Variants in ARHGEF12 observed in about 807,000 individuals in gnomAD.
ARHGEF12 encodes the protein KMT2A/ARHGEF12 fusion protein.
A neutral mutation model predicts 211.2 loss-of-function variants in ARHGEF12; 66 were observed. The observed-to-expected ratio is 0.31, with a 90% CI of 0.26 to 0.38. The LOEUF (loss-of-function observed/expected upper bound fraction) is 0.38, where lower values mean the gene tolerates loss of function less well. Ranked by LOEUF, ARHGEF12 falls within the 10% of genes least tolerant of loss-of-function variation. The probability of loss-of-function intolerance (pLI) is 1.00; values close to 1 mark genes in which losing one functional copy is unlikely to be tolerated. For synonymous variants in ARHGEF12, 592 were observed against 638.4 expected (o/e 0.93, Z 1.09); for missense variants, 1,429 against 1,869.5 (o/e 0.76, Z 4.34).
chr11:120,411,163 G>A (rs1461310393), intron 4 of ARHGEF12: 2 of 152,188 alleles, frequency 1.3e-5, no homozygotes, highest in Non-Finnish European at 2.9e-5. Flanking sequence ...GGGAAGTAAG[G>A]TGTGGCTTCT....
At position 120,481,587 on chromosome 11, in the gene ARHGEF12, C is replaced by T; in HGVS notation, c.4554+11C>T. 1 of 1,610,576 alleles carries T rather than the reference C, an allele frequency of 6.2e-7. No homozygotes were observed. The highest frequency in any genetic ancestry group is 1.1e-5 in the South Asian group (1 of 90,990). The stretch of plus-strand genomic sequence containing the variant: ...CTTGAACACTTAAAGGTACCTCATA[C>T]TTCCACATCCATAGGACTTGGTTGT... On this transcript the variant is annotated intron_variant, in intron 39 of 40. Transcript: ENST00000397843.
At chr11:120,460,477 CCT>C (rs1164877456) in intron 26 of ARHGEF12, among the ~76,000 whole-genome samples, 193 bp from the exon 27 acceptor site, 1 of 152,014 alleles carries the variant, frequency 6.6e-6, no homozygotes, top group African/African-American at 2.4e-5. Context: ...TTGTTTAGCA[CCT>C]GTTTTTCAGA....
intron 35 of ARHGEF12, 57 bp from the exon 36 acceptor site, chr11:120,477,387 CGAT>C: frequency 3.2e-6 from 5 of 1,578,310 alleles, no homozygotes; most frequent in Non-Finnish European, 4.3e-6. Flanking sequence ...TGTTTTGTTG[CGAT>C]GATGTTTAGA....
At chr11:120,362,512 A>G (rs532092554) in intron 1 of ARHGEF12, among the ~76,000 whole-genome samples, 3 of 152,308 alleles carry the variant, frequency 2.0e-5, no homozygotes, top group African/African-American at 7.2e-5. Flanking sequence ...ATTTAGTTAA[A>G]TATTATGAAA....
chr11:120,433,806 A>G (rs1945616503), intron 11 of ARHGEF12, among the ~76,000 whole-genome samples: 1 of 152,214 alleles, frequency 6.6e-6, no homozygotes, highest in Non-Finnish European at 1.5e-5. Context: ...ATACAAAAAA[A>G]AATTAACTGG....
At chr11:120,391,865 T>C (rs1003962296) in intron 1 of ARHGEF12, among the ~76,000 whole-genome samples, 2 of 152,220 alleles carry the variant, frequency 1.3e-5, no homozygotes, top group Non-Finnish European at 2.9e-5. Context: ...AGAAATAATA[T>C]ATCAATATTA....
rs146792075 is a variant in ARHGEF12, at chr11:120,477,081, TTTGTTGTTGTTG to T, written c.3366-110_3366-99del. On this transcript the variant is annotated intron_variant, in intron 34 of 40. Coordinates refer to ENST00000397843, the MANE Select transcript of ARHGEF12 (RefSeq NM_015313.3). ...AAAGATATTCTCTGGCAGAGTGGGT[TTTGTTGTTGTTG>T]TTGTTGTTGTTGTTGTTGTTGTTGT... 4.1e-3 allele frequency: 2,738 copies of T among 660,454 alleles called. 44 individuals are homozygous for T. The African/African-American group carries it at 0.042, about 10-fold the overall frequency. 40.9% of individuals were successfully genotyped at this position (660,454 alleles called of 1,614,324 possible).
intron 4 of ARHGEF12, among the ~76,000 whole-genome samples, chr11:120,416,799 G>A (rs1945040746): frequency 6.6e-6 from 1 of 151,952 alleles, no homozygotes; most frequent in Admixed American, 6.6e-5. Flanking sequence ...CTACAGGCAC[G>A]CGCCACCACG....
intron 1 of ARHGEF12, among the ~76,000 whole-genome samples, chr11:120,352,851 T>G (rs1943025414): frequency 1.3e-5 from 2 of 152,338 alleles, no homozygotes; most frequent in African/African-American, 4.8e-5. Context: ...AGCCTCTTCC[T>G]GCCTATATCA....
chr11:120,419,849 G>A (rs1246831579), intron 4 of ARHGEF12, among the ~76,000 whole-genome samples: 1 of 151,750 alleles, frequency 6.6e-6, no homozygotes, highest in East Asian at 1.9e-4. Context: ...TATTGACTTC[G>A]GTGAAATGCT....
At chr11:120,404,145 T>C (rs924248076) in intron 1 of ARHGEF12, among the ~76,000 whole-genome samples, 5 of 152,242 alleles carry the variant, frequency 3.3e-5, no homozygotes, top group African/African-American at 1.2e-4. Flanking sequence ...CATCAGTAGG[T>C]TGATAACTCA....
intron 4 of ARHGEF12, among the ~76,000 whole-genome samples, chr11:120,419,217 C>T (rs1051889137): frequency 6.6e-6 from 1 of 151,498 alleles, no homozygotes; most frequent in Non-Finnish European, 1.5e-5. Flanking sequence ...TTCTCGGCCT[C>T]CCAAAGTGCT....
At chr11:120,477,128 T>C in intron 34 of ARHGEF12, 91 bp from the exon 35 acceptor site, 1 of 856,514 alleles carries the variant, frequency 1.2e-6, no homozygotes, top group Non-Finnish European at 1.9e-6. Context: ...TTGGTTGATT[T>C]GGTTTTTGTT....
intron 1 of ARHGEF12, among the ~76,000 whole-genome samples, chr11:120,347,854 C>CA (rs1446845104): frequency 1.3e-5 from 2 of 152,116 alleles, no homozygotes; most frequent in Non-Finnish European, 2.9e-5. Context: ...ACAAAATAAA[C>CA]AGATATAATC....
chr11:120,458,349 C>G, intron 25 of ARHGEF12, 115 bp downstream of exon 25: 1 of 1,218,550 alleles, frequency 8.2e-7, no homozygotes, highest in Non-Finnish European at 1.2e-6. Context: ...TTGTTTTAAA[C>G]AAAGAGGAAA....
intron 1 of ARHGEF12, among the ~76,000 whole-genome samples, chr11:120,383,731 G>A (rs1359101052): frequency 1.3e-5 from 2 of 152,152 alleles, no homozygotes; most frequent in African/African-American, 2.4e-5. Context: ...CTCACCTCCT[G>A]CTGTGTGGCC....
At chr11:120,451,290 T>C in intron 21 of ARHGEF12, 1 of 420,642 alleles carries the variant, frequency 2.4e-6, no homozygotes. Context: ...GCGATTCTCC[T>C]GCCTCAGCCT....
chr11:120,411,091 A>T (rs1048204459), intron 4 of ARHGEF12: 1 of 152,198 alleles, frequency 6.6e-6, no homozygotes, highest in Non-Finnish European at 1.5e-5. Context: ...TGATAGAAAC[A>T]TTAATACTAG....
intron 6 of ARHGEF12, among the ~76,000 whole-genome samples, chr11:120,422,062 G>A (rs1165967091): frequency 1.3e-5 from 2 of 152,138 alleles, no homozygotes; most frequent in East Asian, 1.9e-4. Context: ...AATAATGGAG[G>A]AATATATGTT....
Sources: gnomAD v4.1 joint callset for allele counts (sites outside exome capture counted in the v4.1 genomes callset) on GRCh38, gnomAD v4.1.1 for gene constraint, MANE v1.5 for transcripts, NCBI Gene and HGNC (gene_info 2026-07-23, HGNC 2026-07-21) for gene names.